Variants in TMEM150C observed in about 807,000 individuals in gnomAD.
TMEM150C encodes the protein tentonin 3.
A neutral mutation model predicts 29.9 loss-of-function variants in TMEM150C; 10 were observed. The ratio of observed to expected loss-of-function variants is 0.33; its 90% confidence interval spans 0.21 to 0.57. The LOEUF (loss-of-function observed/expected upper bound fraction) is 0.57. Ranked by LOEUF, TMEM150C falls within the 20% of genes least tolerant of loss-of-function variation. TMEM150C has a pLI of 0.88. For missense variants in TMEM150C, 251 were observed against 303.6 expected, an observed-to-expected ratio of 0.83 and a Z score of 1.29; for synonymous variants, 101 against 112.5, an observed-to-expected ratio of 0.90 and a Z score of 0.64.
intron 1 of TMEM150C, among the ~76,000 whole-genome samples, chr4:82,522,049 C>A (rs757632682): frequency 6.6e-6 from 1 of 151,890 alleles, no homozygotes; most frequent in African/African-American, 2.4e-5. Context: ...GACAACAGAG[C>A]GAGAACTTTA....
chr4:82,493,647 A>G (rs1313284923), intron 6 of TMEM150C, among the ~76,000 whole-genome samples: 1 of 152,190 alleles, frequency 6.6e-6, no homozygotes, highest in Non-Finnish European at 1.5e-5. Flanking sequence ...TTAGTAACTC[A>G]TCAAAGCCCT....
rs1384059791 is a variant in TMEM150C at position 82,561,547 on chromosome 4, C to CGGGGCT, written c.-11+358_-11+359insAGCCCC. Among the ~76,000 whole-genome samples, 140 of 137,028 alleles carry CGGGGCT rather than the reference C, an allele frequency of 1.0e-3. 1 individual carries two copies. The highest frequency in any genetic ancestry group is 1.8e-3 in the Non-Finnish European group (117 of 65,610). The allele number at this position is 137,028 out of a possible 152,430, so 89.9% of individuals were successfully genotyped here. On this transcript the variant is annotated intron_variant, in intron 1 of 7. Coordinates refer to ENST00000449862, the MANE Select transcript of TMEM150C (RefSeq NM_001080506.3). ...GCGGGTGGGGACACCTGTCAAAGGA[C>CGGGGCT]GGGGCCGGGGCCGGGGCCGGGGCCG...
intron 1 of TMEM150C, among the ~76,000 whole-genome samples, chr4:82,533,561 C>CA (rs1344896085): frequency 6.6e-6 from 1 of 152,036 alleles, no homozygotes; most frequent in Non-Finnish European, 1.5e-5. Context: ...AACAGACAAA[C>CA]AAAAAAGACA....
intron 6 of TMEM150C, among the ~76,000 whole-genome samples, chr4:82,493,784 C>A (rs1723450455): frequency 6.6e-6 from 1 of 152,180 alleles, no homozygotes; most frequent in African/African-American, 2.4e-5. Context: ...CATTTTGGAT[C>A]TTAACAGGAT....
At chr4:82,549,339 G>C (rs557892730) in intron 1 of TMEM150C, among the ~76,000 whole-genome samples, 4 of 152,284 alleles carry the variant, frequency 2.6e-5, no homozygotes, top group African/African-American at 9.6e-5. Flanking sequence ...AGGACATTAC[G>C]CTAGGTGAAA....
chr4:82,533,253 A>G (rs1724908066), intron 1 of TMEM150C, among the ~76,000 whole-genome samples: 1 of 152,238 alleles, frequency 6.6e-6, no homozygotes, highest in Non-Finnish European at 1.5e-5. Flanking sequence ...ATATATTTGT[A>G]TGAGAGCCAT....
intron 1 of TMEM150C, among the ~76,000 whole-genome samples, chr4:82,561,502 G>A (rs1444384701): frequency 1.3e-5 from 2 of 151,876 alleles, no homozygotes; most frequent in Non-Finnish European, 2.9e-5. Context: ...GAGTCCACCC[G>A]ATAACGAGAT....
In TMEM150C at chr4:82,499,719, C is replaced by CAAAAAA. The variant is rs1197264258; in HGVS notation, c.235+3002_235+3007dup. ...GCCTGGGTGACAGAGACTCCGTCTCCAAAAAAAAAAAAAAAAAAAAAAAAA... is the reference window on the plus strand; with the variant it reads ...GCCTGGGTGACAGAGACTCCGTCTCCAAAAAAAAAAAAAAAAAAAAAAAAAAAAAAA... On this transcript the variant is annotated intron_variant, in intron 5 of 7. Transcript: ENST00000449862. Among the ~76,000 whole-genome samples the CAAAAAA allele has an allele frequency of 4.1e-3, 166 of 40,264 alleles. 14 individuals are homozygous for CAAAAAA. Among genetic ancestry groups the CAAAAAA allele is most frequent in the African/African-American group, 0.018 (157 of 8,920 alleles). The allele number at this position is 40,264 out of a possible 152,430, so 26.4% of individuals were successfully genotyped here.
In TMEM150C at chr4:82,496,115, C is replaced by T. The variant is rs1723548771; in HGVS notation, c.316G>A (p.Ala106Thr). The T allele has an allele frequency of 1.9e-6, 3 of 1,613,814 alleles. No individual in the cohort carries two copies. The highest frequency in any genetic ancestry group is 2.5e-6 in the Non-Finnish European group (3 of 1,179,882). ...NPWLNISGLV[A>T]LCLASFGMTL... Reference sequence around the variant, plus strand: ...ATTCCGAAGGAAGCCAGACACAGAGCCACCAATCCACTAATATTCAGCCAC... The same window carrying T: ...ATTCCGAAGGAAGCCAGACACAGAGTCACCAATCCACTAATATTCAGCCAC... Residue 106 changes from alanine (A) to threonine (T), a missense_variant, in exon 6 of 8, where the codon GCT (alanine) becomes ACT (threonine). Ala to Thr is a moderately conservative substitution (Grantham distance 58). Coordinates refer to ENST00000449862, the MANE Select transcript of TMEM150C (RefSeq NM_001080506.3).
chr4:82,517,111 C>G (rs1191781957), intron 1 of TMEM150C, among the ~76,000 whole-genome samples: 1 of 152,184 alleles, frequency 6.6e-6, no homozygotes, highest in Non-Finnish European at 1.5e-5. Context: ...GAAAGGTGAC[C>G]CAATGTAGTT....
intron 1 of TMEM150C, among the ~76,000 whole-genome samples, chr4:82,521,856 A>T (rs1724498469): frequency 6.6e-6 from 1 of 152,164 alleles, no homozygotes; most frequent in Non-Finnish European, 1.5e-5. Context: ...GGCAATGGGC[A>T]GCACTGACTT....
chr4:82,499,600 G>A (rs933668529), intron 5 of TMEM150C, among the ~76,000 whole-genome samples: 3 of 151,472 alleles, frequency 2.0e-5, no homozygotes, highest in African/African-American at 7.3e-5. Flanking sequence ...GCACATGCCT[G>A]TAATCCCAGC....
chr4:82,501,635 A>G (rs1723740158), intron 5 of TMEM150C, among the ~76,000 whole-genome samples: 1 of 152,134 alleles, frequency 6.6e-6, no homozygotes, highest in African/African-American at 2.4e-5. Flanking sequence ...CCTGACGGGA[A>G]ACATTCTCCA....
At chr4:82,540,468 G>T (rs191408769) in intron 1 of TMEM150C, among the ~76,000 whole-genome samples, 96 of 151,250 alleles carry the variant, frequency 6.3e-4, no homozygotes, top group African/African-American at 2.2e-3. Context: ...AAAACTGAAG[G>T]GTGTTTTCTT....
intron 1 of TMEM150C, among the ~76,000 whole-genome samples, chr4:82,532,249 T>G (rs1724871480): frequency 2.6e-5 from 4 of 152,218 alleles, no homozygotes; most frequent in Admixed American, 2.6e-4. Context: ...GAATGCAAAT[T>G]GAAATGCAAA....
chr4:82,523,361 C>T (rs1724549323), intron 1 of TMEM150C, among the ~76,000 whole-genome samples: 1 of 152,134 alleles, frequency 6.6e-6, no homozygotes, highest in Admixed American at 6.5e-5. Context: ...TTTGACTAGG[C>T]ATGTCACTTA....
chr4:82,503,602 G>A (rs1723803608), intron 2 of TMEM150C, among the ~76,000 whole-genome samples: 1 of 152,160 alleles, frequency 6.6e-6, no homozygotes, highest in African/African-American at 2.4e-5. Context: ...TGTAATCCCA[G>A]CACTTTGGGA....
rs770539570 is a variant in TMEM150C at position 82,523,029 on chromosome 4, C to T, written c.-10-18362G>A. On this transcript the variant is annotated intron_variant, in intron 1 of 7. Transcript: ENST00000449862. ...TCAGGAGCCCTGACCAAAGTTTAGT[C>T]ACATGAAGAATCTTTGTCAGAGGGT... Among the ~76,000 whole-genome samples the T allele has an allele frequency of 1.3e-4, 20 of 152,106 alleles. 1 individual carries two copies. Among genetic ancestry groups the T allele is most frequent in the Non-Finnish European group, 2.2e-4 (15 of 68,018 alleles).
intron 1 of TMEM150C, among the ~76,000 whole-genome samples, chr4:82,550,024 G>A (rs1725516883): frequency 6.6e-6 from 1 of 152,134 alleles, no homozygotes; most frequent in Admixed American, 6.5e-5. Flanking sequence ...TATCCTCTGA[G>A]GAAAGGAGGT....
Sources: allele counts gnomAD v4.1 joint callset (sites outside exome capture counted in the v4.1 genomes callset), GRCh38; gene constraint gnomAD v4.1.1; transcripts MANE v1.5; gene names NCBI Gene and HGNC (gene_info 2026-07-23, HGNC 2026-07-21).